TMOD2: variants seen among roughly 807,000 people sequenced by gnomAD.
The protein encoded by TMOD2 is tropomodulin-2.
In TMOD2, 22 loss-of-function variants were observed where a neutral mutation model predicts 39.9. That is an observed-to-expected ratio of 0.55 (90% CI 0.39 to 0.79). TMOD2 has a LOEUF of 0.79. Among genes scored for constraint, TMOD2 ranks in the 30% least tolerant of loss-of-function variants. The probability of loss-of-function intolerance (pLI) is 0.00; values close to 1 mark genes in which losing one functional copy is unlikely to be tolerated. For synonymous variants in TMOD2, 123 were observed against 146.1 expected, an observed-to-expected ratio of 0.84 and a Z score of 1.14; for missense variants, 386 against 413.3, an observed-to-expected ratio of 0.93 and a Z score of 0.57.
At chr15:51,753,080 T>C (rs773169318) in intron 1 of TMOD2, among the ~76,000 whole-genome samples, 3 of 152,118 alleles carry the variant, frequency 2.0e-5, no homozygotes, top group African/African-American at 4.8e-5. Context: ...GTAACCAGAA[T>C]GTGTATACAC....
At chr15:51,803,191 T>TG (rs2056101548) in intron 8 of TMOD2, among the ~76,000 whole-genome samples, 1 of 146,238 alleles carries the variant, frequency 6.8e-6, no homozygotes, top group Non-Finnish European at 1.5e-5. Flanking sequence ...TTTTTTTTTT[T>TG]CTTTTTGAGG....
chr15:51,805,421 C>T (rs2056116136), intron 8 of TMOD2, among the ~76,000 whole-genome samples: 1 of 152,100 alleles, frequency 6.6e-6, no homozygotes, highest in African/African-American at 2.4e-5. Flanking sequence ...CAAACGTGTA[C>T]ATGGTTCAAA....
chr15:51,772,521 T>G (rs2055860178), intron 3 of TMOD2, among the ~76,000 whole-genome samples: 2 of 152,054 alleles, frequency 1.3e-5, no homozygotes, highest in Admixed American at 1.3e-4. Flanking sequence ...AGCTGGGAGT[T>G]AGGGAATAGA....
chr15:51,766,835 T>G (rs1301869197), intron 2 of TMOD2: 5 of 250,172 alleles, frequency 2.0e-5, no homozygotes, highest in Middle Eastern at 1.2e-3. Flanking sequence ...TAGTCTTGTT[T>G]AGGGGAAAAA....
At chr15:51,769,091 T>C (rs2055836379) in intron 3 of TMOD2, among the ~76,000 whole-genome samples, 1 of 152,080 alleles carries the variant, frequency 6.6e-6, no homozygotes, top group African/African-American at 2.4e-5. Context: ...GGAGGATGAG[T>C]TGGGGAGAGT....
At position 51,806,327 on chromosome 15, in the gene TMOD2, T is replaced by C. The variant is rs776907985; in HGVS notation, c.877-50T>C. On this transcript the variant is annotated intron_variant, in intron 8 of 9. Coordinates refer to ENST00000249700, the MANE Select transcript of TMOD2 (RefSeq NM_014548.4). ...GTCTTTTTCCTGTGCAAGTAACTGTTTCCTCTTCCTTCTTGGTCATCCTGT... is the reference window on the plus strand; with the variant it reads ...GTCTTTTTCCTGTGCAAGTAACTGTCTCCTCTTCCTTCTTGGTCATCCTGT... 3 of 1,604,096 alleles carry C rather than the reference T, an allele frequency of 1.9e-6. No homozygotes were observed. The Admixed American group carries it at 5.1e-5, about 27-fold the overall frequency.
At chr15:51,807,884 A>G (rs2056130991) in intron 9 of TMOD2, among the ~76,000 whole-genome samples, 1 of 152,222 alleles carries the variant, frequency 6.6e-6, no homozygotes, top group Non-Finnish European at 1.5e-5. Flanking sequence ...CTTCGGTTCT[A>G]AACATCAGGT....
At chr15:51,752,022 T>G (rs1038879782) in intron 1 of TMOD2, among the ~76,000 whole-genome samples, 9 of 151,726 alleles carry the variant, frequency 5.9e-5, no homozygotes, top group African/African-American at 2.2e-4. Flanking sequence ...GGGCGCGGTC[T>G]CCTGTCCTCC....
intron 1 of TMOD2, among the ~76,000 whole-genome samples, chr15:51,764,694 C>G (rs937970995): frequency 3.3e-5 from 5 of 152,140 alleles, no homozygotes; most frequent in African/African-American, 1.2e-4. Flanking sequence ...CTCCATGAAT[C>G]CCCCTCTGTA....
intron 8 of TMOD2, among the ~76,000 whole-genome samples, chr15:51,801,233 TCTCTCACACACACA>T (rs1259011528): frequency 7.2e-5 from 7 of 97,084 alleles, no homozygotes; most frequent in Non-Finnish European, 1.2e-4. Context: ...TCTCTCTCTC[TCTCTCACACACACA>T]CACACACACA....
chr15:51,776,986 C>G lies in TMOD2; in HGVS notation c.461C>G (p.Ala154Gly). 1 of 1,613,892 alleles carries G rather than the reference C, an allele frequency of 6.2e-7. No homozygotes were observed. ...AATCCAAAGTTCGATGAAGAAACAGCCAACAATAAAGGTGGCAAAGGACCT... is the reference window on the plus strand; with the variant it reads ...AATCCAAAGTTCGATGAAGAAACAGGCAACAATAAAGGTGGCAAAGGACCT... The part of the protein sequence containing the change: ...LNNPKFDEET[A>G]NNKGGKGPVR... Residue 154 changes from alanine (A) to glycine (G), a missense_variant, in exon 5 of 10, where the codon GCC becomes GGC. Physicochemically the swap from Ala to Gly is moderately conservative, Grantham distance 60. Transcript: ENST00000249700.
rs779538838 is a variant in TMOD2, at chr15:51,768,331, C to T, written c.196C>T (p.Arg66Cys). Residue 66 changes from arginine (R) to cysteine (C), a missense_variant, in exon 3 of 10, where the codon CGC (arginine) becomes TGC (cysteine). Physicochemically the swap from Arg to Cys is radical, Grantham distance 180 (BLOSUM62 -3). Coordinates refer to ENST00000249700, the MANE Select transcript of TMOD2 (RefSeq NM_014548.4). ...GAAGGCAGCCACCGGCCCCTTTGAC[C>T]GCGAGCACCTCCTCATGTACCTGGA... is the stretch of plus-strand genomic sequence containing the variant. The part of the protein sequence containing the change: ...TQKAATGPFD[R>C]EHLLMYLEKE... 8.1e-6 allele frequency: 13 copies of T among 1,614,202 alleles called. No individual in the cohort carries two copies. The highest frequency in any genetic ancestry group is 3.3e-5 in the South Asian group (3 of 91,086).
At chr15:51,761,114 G>A (rs1391522362) in intron 1 of TMOD2, among the ~76,000 whole-genome samples, 1 of 152,218 alleles carries the variant, frequency 6.6e-6, no homozygotes, top group African/African-American at 2.4e-5. Context: ...CTTGTTAGCA[G>A]TGTTGAGAAA....
At chr15:51,760,118 A>G (rs923609085) in intron 1 of TMOD2, among the ~76,000 whole-genome samples, 1 of 152,228 alleles carries the variant, frequency 6.6e-6, no homozygotes, top group Non-Finnish European at 1.5e-5. Flanking sequence ...CAGCCAGAAC[A>G]ATCATCCTGG....
chr15:51,751,987 G>C (rs2055707625), intron 1 of TMOD2, among the ~76,000 whole-genome samples: 1 of 151,624 alleles, frequency 6.6e-6, no homozygotes, highest in Non-Finnish European at 1.5e-5. Flanking sequence ...CGCAGCCTCT[G>C]CAGCCCGCTG....
intron 5 of TMOD2, among the ~76,000 whole-genome samples, chr15:51,779,874 G>A (rs1331370865): frequency 3.3e-5 from 5 of 152,052 alleles, no homozygotes; most frequent in Admixed American, 2.6e-4. Flanking sequence ...TAGAGGCTGG[G>A]TCTCACTGTG....
At chr15:51,768,177 A>C in intron 2 of TMOD2, 85 bp from the exon 3 acceptor site, 1 of 1,484,138 alleles carries the variant, frequency 6.7e-7, no homozygotes, top group Non-Finnish European at 9.3e-7. Context: ...CTTCCCCAGC[A>C]CATAGTGAGT....
intron 3 of TMOD2, 130 bp downstream of exon 3, chr15:51,768,548 C>T (rs912848026): frequency 5.2e-6 from 5 of 965,994 alleles, no homozygotes; most frequent in Non-Finnish European, 7.6e-6. Context: ...GGAACTGTCC[C>T]AGACATGGGA....
At chr15:51,785,484 T>C (rs2055963138) in intron 7 of TMOD2, among the ~76,000 whole-genome samples, 1 of 151,496 alleles carries the variant, frequency 6.6e-6, no homozygotes, top group African/African-American at 2.4e-5. Context: ...GAAATATTAT[T>C]CAGCCATAAA....
Sources: gnomAD v4.1 joint callset for allele counts (sites outside exome capture counted in the v4.1 genomes callset) on GRCh38, gnomAD v4.1.1 for gene constraint, MANE v1.5 for transcripts, NCBI Gene and HGNC (gene_info 2026-07-23, HGNC 2026-07-21) for gene names.